Variants in TRMT11 observed in about 807,000 individuals in gnomAD.
TRMT11 encodes the protein tRNA (guanine(10)-N(2))-methyltransferase TRMT11.
Under a neutral mutation model 62.8 loss-of-function variants are expected in TRMT11, and 53 were observed. The observed-to-expected ratio is 0.84, with a 90% CI of 0.68 to 1.06. The LOEUF (loss-of-function observed/expected upper bound fraction) is 1.06. TRMT11 is among the 50% of genes least tolerant of loss of function. The pLI is 0.00. For missense variants in TRMT11, 556 were observed against 553.4 expected, an observed-to-expected ratio of 1.00 and a Z score of -0.05; for synonymous variants, 188 against 190.3, an observed-to-expected ratio of 0.99 and a Z score of 0.10.
intron 7 of TRMT11, among the ~76,000 whole-genome samples, chr6:126,005,156 A>G (rs1793171798): frequency 6.6e-6 from 1 of 152,046 alleles, no homozygotes; most frequent in Non-Finnish European, 1.5e-5. Flanking sequence ...GATACAGTAC[A>G]AGACTTGTGA....
intron 1 of TRMT11, among the ~76,000 whole-genome samples, chr6:126,188,723 G>T (rs1778556242): frequency 6.6e-6 from 1 of 152,120 alleles, no homozygotes; most frequent in Non-Finnish European, 1.5e-5. Flanking sequence ...TTAAAGCCTT[G>T]TTAAGTCAGC....
At chr6:126,269,065 T>TC in the TRMT11 span, among the ~76,000 whole-genome samples, 1 of 150,902 alleles carries the variant, frequency 6.6e-6, no homozygotes, top group African/African-American at 2.4e-5. Context: ...ATCGAGACCA[T>TC]CCCGGCTAAA....
At chr6:125,996,560 T>C (rs547686016) in intron 3 of TRMT11, among the ~76,000 whole-genome samples, 28 of 152,326 alleles carry the variant, frequency 1.8e-4, no homozygotes, top group African/African-American at 6.3e-4. Context: ...TTCTAGACTT[T>C]ATCATTGGCA....
At chr6:126,222,203 G>A in the TRMT11 span, among the ~76,000 whole-genome samples, 1 of 152,110 alleles carries the variant, frequency 6.6e-6, no homozygotes, top group Admixed American at 6.5e-5. Flanking sequence ...TGCTGTTTTG[G>A]TCACTGTAGC....
At position 126,159,351 on chromosome 6, in the gene TRMT11, C is replaced by T. The variant is rs1778162360; in HGVS notation, c.*1824-15474C>T. On this transcript the variant is annotated intron_variant and NMD_transcript_variant, in intron 21 of 22. Transcript: ENST00000648977. ...TCTGTCATGACTATGGTACTCAGTTCAGCTGTTATTGTGCAAAACTAGCCA... is the reference window on the plus strand; with the variant it reads ...TCTGTCATGACTATGGTACTCAGTTTAGCTGTTATTGTGCAAAACTAGCCA... Among the ~76,000 whole-genome samples, 4 of 152,088 alleles carry T rather than the reference C, an allele frequency of 2.6e-5. No individual in the cohort carries two copies. In the South Asian group the frequency reaches 8.3e-4, roughly 32 times the overall value.
chr6:126,035,994 C>T (rs147983910), intron 12 of TRMT11, among the ~76,000 whole-genome samples: 139 of 152,196 alleles, frequency 9.1e-4, no homozygotes, highest in African/African-American at 3.2e-3. Flanking sequence ...CAGCTAGGCA[C>T]GCTAGTAATT....
chr6:125,999,694 A>G, intron 7 of TRMT11, 81 bp downstream of exon 7: 1 of 1,290,564 alleles, frequency 7.7e-7, no homozygotes, highest in African/African-American at 1.5e-5. Flanking sequence ...TTTTTGCTAA[A>G]AGAGTAAATG....
At chr6:126,002,270 T>C (rs1792626265) in intron 7 of TRMT11, among the ~76,000 whole-genome samples, 1 of 152,204 alleles carries the variant, frequency 6.6e-6, no homozygotes, top group African/African-American at 2.4e-5. Context: ...CACATACACA[T>C]GCATATACGT....
chr6:126,193,508 T>C (rs1321144997), intron 1 of TRMT11, among the ~76,000 whole-genome samples: 3 of 142,328 alleles, frequency 2.1e-5, no homozygotes, highest in Non-Finnish European at 4.6e-5. Context: ...TTTTTTTTTT[T>C]TTTTTTGAGA....
chr6:126,158,062 T>C (rs190550555), intron 21 of TRMT11, among the ~76,000 whole-genome samples: 141 of 152,260 alleles, frequency 9.3e-4, no homozygotes, highest in African/African-American at 3.3e-3. Context: ...TTATGCTATA[T>C]AACAGAATAA....
intron 7 of TRMT11, among the ~76,000 whole-genome samples, 185 bp downstream of exon 7, chr6:125,999,798 A>T (rs1219613050): frequency 1.3e-5 from 2 of 152,204 alleles, no homozygotes; most frequent in Non-Finnish European, 2.9e-5. Context: ...TTCAAAGATG[A>T]TGCTGATAGA....
Position 126,021,283 on chromosome 6 carries a change from A to T in TRMT11, c.1260+3A>T. ...TGGAAAAGGTGAAGAAATTTGAGGT[A>T]AATTGCTTCAGTATTTTTGGGATAA... On this transcript the variant is annotated splice_donor_region_variant and intron_variant, in intron 12 of 12. Coordinates refer to ENST00000334379, the MANE Select transcript of TRMT11 (RefSeq NM_001031712.3). 1 of 1,613,330 alleles carries T rather than the reference A, an allele frequency of 6.2e-7. No homozygotes were observed. The highest frequency in any genetic ancestry group is 1.1e-5 in the South Asian group (1 of 91,006).
intron 21 of TRMT11, among the ~76,000 whole-genome samples, chr6:126,159,201 C>T (rs149607930): frequency 1.6e-4 from 24 of 152,124 alleles, no homozygotes; most frequent in African/African-American, 5.1e-4. Flanking sequence ...TGATATGTGC[C>T]ACTTTGTGGA....
At chr6:126,110,445 A>T (rs566211374) in intron 17 of TRMT11, among the ~76,000 whole-genome samples, 1 of 152,288 alleles carries the variant, frequency 6.6e-6, no homozygotes, top group East Asian at 1.9e-4. Context: ...ATAAAATTAC[A>T]TTAGAAAATA....
the TRMT11 span, among the ~76,000 whole-genome samples, chr6:126,228,730 T>G: frequency 6.6e-6 from 1 of 152,200 alleles, no homozygotes; most frequent in African/African-American, 2.4e-5. Context: ...CTTATTAACA[T>G]CAGCTGGGTA....
the TRMT11 span, among the ~76,000 whole-genome samples, chr6:126,232,331 G>A: frequency 6.6e-6 from 1 of 151,976 alleles, no homozygotes; most frequent in Non-Finnish European, 1.5e-5. Context: ...ACTGAAATGA[G>A]CACTGAATAG....
chr6:126,222,294 C>T, the TRMT11 span, among the ~76,000 whole-genome samples: 1 of 151,988 alleles, frequency 6.6e-6, no homozygotes, highest in African/African-American at 2.4e-5. Flanking sequence ...GCTATTCAGG[C>T]TCTTTTTTGG....
At chr6:126,024,371 T>A (rs1796241776) in intron 12 of TRMT11, among the ~76,000 whole-genome samples, 1 of 152,178 alleles carries the variant, frequency 6.6e-6, no homozygotes, top group Non-Finnish European at 1.5e-5. Context: ...CACAAGGCCT[T>A]TCCTTTGTGC....
At chr6:126,182,984 T>A (rs887474575) in intron 1 of TRMT11, among the ~76,000 whole-genome samples, 1 of 152,050 alleles carries the variant, frequency 6.6e-6, no homozygotes, top group Non-Finnish European at 1.5e-5. Context: ...ACCTGCCCCC[T>A]ACAGGGAGGT....
Sources: gnomAD v4.1 joint callset for allele counts (sites outside exome capture counted in the v4.1 genomes callset) on GRCh38, gnomAD v4.1.1 for gene constraint, MANE v1.5 for transcripts, NCBI Gene and HGNC (gene_info 2026-07-23, HGNC 2026-07-21) for gene names.